The following COX17 variants were observed in gnomAD, a reference collection of about 807,000 sequenced individuals.
COX17 encodes cytochrome c oxidase copper chaperone.
In COX17, 1 loss-of-function variant was observed where a neutral mutation model predicts 6.3. The observed-to-expected ratio is 0.16, with a 90% CI of 0.06 to 0.75. The LOEUF (loss-of-function observed/expected upper bound fraction) is 0.75. Among genes scored for constraint, COX17 ranks in the 30% least tolerant of loss-of-function variants. The pLI, the probability that COX17 is intolerant of heterozygous loss-of-function variation, is 0.77. For synonymous variants in COX17, 26 were observed against 30.5 expected (o/e 0.85, Z 0.49); for missense variants, 73 against 81.2 (o/e 0.90, Z 0.39).
At chr3:119,667,766 G>A (rs1482013227), downstream of COX17, among the ~76,000 whole-genome samples, 2 of 151,276 alleles carry the variant, frequency 1.3e-5, no homozygotes, top group Admixed American at 6.6e-5. Flanking sequence ...TCATCGAAGA[G>A]AGGTCCTATT....
intron 1 of COX17, chr3:119,676,969 A>AGT (rs1484394905): frequency 3.2e-6 from 2 of 631,086 alleles, no homozygotes; most frequent in Non-Finnish European, 5.8e-6. Context: ...CACGAAACCT[A>AGT]CAAGGCCCAA....
downstream of COX17, among the ~76,000 whole-genome samples, chr3:119,667,366 C>T (rs994902961): frequency 6.6e-6 from 1 of 152,096 alleles, no homozygotes; most frequent in Non-Finnish European, 1.5e-5. Context: ...GTGAGATGTA[C>T]TTTTAAGTGT....
intron 2 of COX17, among the ~76,000 whole-genome samples, chr3:119,672,828 A>T (rs944190076): frequency 5.9e-5 from 9 of 152,250 alleles, no homozygotes; most frequent in Non-Finnish European, 1.2e-4. Flanking sequence ...AGCTAAATGT[A>T]GCTAAACTTA....
chr3:119,672,829 G>A (rs1057392639), intron 2 of COX17, among the ~76,000 whole-genome samples: 1 of 152,130 alleles, frequency 6.6e-6, no homozygotes, highest in African/African-American at 2.4e-5. Flanking sequence ...GCTAAATGTA[G>A]CTAAACTTAA....
chr3:119,676,640 G>A (rs899258268), intron 1 of COX17: 3 of 541,400 alleles, frequency 5.5e-6, no homozygotes, highest in Admixed American at 3.0e-5. Context: ...TACACTCTGT[G>A]TCCTACTGTC....
At chr3:119,677,124 G>T in intron 1 of COX17, 80 bp downstream of exon 1, 1 of 1,030,374 alleles carries the variant, frequency 9.7e-7, no homozygotes, top group Non-Finnish European at 1.5e-6. Context: ...AGAGGGCAGA[G>T]GCCGTAGGGC....
downstream of COX17, among the ~76,000 whole-genome samples, chr3:119,668,414 T>C (rs2053012939): frequency 6.6e-6 from 1 of 152,068 alleles, no homozygotes; most frequent in Non-Finnish European, 1.5e-5. Flanking sequence ...AAGTATTATA[T>C]CCAAATGAAT....
rs2053111990 is a variant in COX17, at chr3:119,677,114, A to G, written c.107+90T>C. On this transcript the variant is annotated intron_variant, in intron 1 of 2. Transcript: ENST00000261070. ...AGGCAGAGGGCAGAGGGCAGAAGGC[A>G]GAGGGCAGAGGCCGTAGGGCAGAGG... is the stretch of plus-strand genomic sequence containing the variant. 5 of 962,778 alleles carry G rather than the reference A, an allele frequency of 5.2e-6. No homozygotes were observed. In the Admixed American group the frequency reaches 1.0e-4, roughly 19 times the overall value. The allele number at this position is 962,778 out of a possible 1,614,324, so 59.6% of individuals were successfully genotyped here.
At chr3:119,671,927 A>G (rs1388946128) in intron 2 of COX17, among the ~76,000 whole-genome samples, 1 of 152,156 alleles carries the variant, frequency 6.6e-6, no homozygotes, top group Non-Finnish European at 1.5e-5. Context: ...CCTCTTCCCA[A>G]AATATTATTA....
chr3:119,676,482 C>A (rs2053101085), intron 1 of COX17, among the ~76,000 whole-genome samples: 1 of 152,156 alleles, frequency 6.6e-6, no homozygotes, highest in Non-Finnish European at 1.5e-5. Flanking sequence ...ACAAGAGAGG[C>A]TATATAAAAT....
At chr3:119,664,292 G>T (rs1456074184) in intron 3 of COX17, among the ~76,000 whole-genome samples, 1 of 152,166 alleles carries the variant, frequency 6.6e-6, no homozygotes, top group South Asian at 2.1e-4. Flanking sequence ...GGCTGAGATG[G>T]GAGGATCACT....
At chr3:119,674,108 T>A (rs896294314) in intron 2 of COX17, among the ~76,000 whole-genome samples, 6 of 151,718 alleles carry the variant, frequency 4.0e-5, no homozygotes, top group African/African-American at 1.5e-4. Flanking sequence ...CCGCCCTGTC[T>A]GGGATGTGAG....
chr3:119,677,033 G>T lies in COX17; in HGVS notation c.107+171C>A, dbSNP rs1285002903. On this transcript the variant is annotated intron_variant, in intron 1 of 2. Coordinates refer to ENST00000261070, the MANE Select transcript of COX17 (RefSeq NM_005694.2). ...CGGGGCGGGGCGGGGCGGGGGGGGG[G>T]GGCAGACAGGGAGGAGGAGTGGGGG... 12 of 532,132 alleles carry T rather than the reference G, an allele frequency of 2.3e-5. 2 individuals carry two copies. In the East Asian group the frequency reaches 3.6e-4, roughly 16 times the overall value. 33.0% of individuals were successfully genotyped at this position (532,132 alleles called of 1,614,324 possible).
At chr3:119,675,371 C>A in intron 1 of COX17, 138 bp from the exon 2 acceptor site, 1 of 627,618 alleles carries the variant, frequency 1.6e-6, no homozygotes, top group Non-Finnish European at 2.8e-6. Context: ...TTACCTCAAA[C>A]AGCTTTGTTT....
At chr3:119,671,026 T>C (rs2053038597) in intron 2 of COX17, among the ~76,000 whole-genome samples, 1 of 152,138 alleles carries the variant, frequency 6.6e-6, no homozygotes, top group Admixed American at 6.5e-5. Context: ...AGTCATAAAA[T>C]AGAAAAAAAT....
Position 119,675,244 on chromosome 3 carries a change from A to C in COX17, c.108-11T>G. On this transcript the variant is annotated splice_polypyrimidine_tract_variant and intron_variant, in intron 1 of 2. Coordinates refer to ENST00000261070, the MANE Select transcript of COX17 (RefSeq NM_005694.2). ...CCTTTCTCGATGATACTATAAAACA[A>C]AATGTACTTGTTATCTAAATATGCA... 6.3e-7 allele frequency: 1 copy of C among 1,589,508 alleles called. No individual in the cohort carries two copies. Among genetic ancestry groups the C allele is most frequent in the Non-Finnish European group, 8.6e-7 (1 of 1,157,786 alleles).
At chr3:119,672,158 T>C (rs1003476266) in intron 2 of COX17, among the ~76,000 whole-genome samples, 5 of 152,248 alleles carry the variant, frequency 3.3e-5, no homozygotes, top group African/African-American at 1.2e-4. Context: ...ATGAAGTAGT[T>C]TGGGCATGTA....
intron 2 of COX17, among the ~76,000 whole-genome samples, chr3:119,669,876 T>C (rs2053027218): frequency 6.6e-6 from 1 of 152,048 alleles, no homozygotes; most frequent in African/African-American, 2.4e-5. Context: ...ATTCATGATA[T>C]TATTTACTCT....
At chr3:119,668,465 T>C (rs188360099), downstream of COX17, among the ~76,000 whole-genome samples, 1 of 151,794 alleles carries the variant, frequency 6.6e-6, no homozygotes, top group African/African-American at 2.4e-5. Context: ...TAGAGAATGC[T>C]AATAACAGTG....
Sources: allele counts gnomAD v4.1 joint callset (sites outside exome capture counted in the v4.1 genomes callset), GRCh38; gene constraint gnomAD v4.1.1; transcripts MANE v1.5; gene names NCBI Gene and HGNC (gene_info 2026-07-23, HGNC 2026-07-21).